Variants in PIGK observed in about 807,000 individuals in gnomAD.
PIGK encodes the protein GPI-anchor transamidase.
In PIGK, 42 loss-of-function variants were observed where a neutral mutation model predicts 50.6. The observed-to-expected ratio is 0.83, with a 90% CI of 0.65 to 1.07. The LOEUF (loss-of-function observed/expected upper bound fraction) is 1.07, where lower values mean the gene tolerates loss of function less well. Ranked by LOEUF, PIGK falls within the 50% of genes least tolerant of loss-of-function variation. PIGK has a pLI of 0.00. For synonymous variants in PIGK, 151 were observed against 156.0 expected (o/e 0.97, Z 0.24); for missense variants, 448 against 488.7 (o/e 0.92, Z 0.78).
At chr1:77,168,335 T>C (rs563655052) in intron 4 of PIGK, among the ~76,000 whole-genome samples, 1 of 152,352 alleles carries the variant, frequency 6.6e-6, no homozygotes, top group African/African-American at 2.4e-5. Flanking sequence ...ATAAATTGTA[T>C]GTATACACAT....
chr1:77,142,611 C>T (rs570986937), intron 9 of PIGK, among the ~76,000 whole-genome samples: 6 of 152,192 alleles, frequency 3.9e-5, no homozygotes, highest in South Asian at 4.2e-4. Context: ...AGGAAACTTA[C>T]GAACATGGCA....
chr1:77,155,844 G>A (rs1654997028), intron 8 of PIGK, among the ~76,000 whole-genome samples: 1 of 152,220 alleles, frequency 6.6e-6, no homozygotes, highest in African/African-American at 2.4e-5. Context: ...GAGAAGGGTA[G>A]AGCGGCTACA....
At chr1:77,146,250 C>G (rs913185390) in intron 9 of PIGK, among the ~76,000 whole-genome samples, 4 of 152,042 alleles carry the variant, frequency 2.6e-5, no homozygotes, top group African/African-American at 9.7e-5. Context: ...TAGAAGAAAA[C>G]AAGAAAATCC....
intron 9 of PIGK, among the ~76,000 whole-genome samples, chr1:77,133,757 C>T (rs1208603163): frequency 6.6e-6 from 1 of 152,120 alleles, no homozygotes; most frequent in Non-Finnish European, 1.5e-5. Context: ...AATGGTGAGG[C>T]CCTTCAAGGT....
chr1:77,110,540 G>C (rs977980678), intron 10 of PIGK, among the ~76,000 whole-genome samples: 39 of 152,152 alleles, frequency 2.6e-4, no homozygotes, highest in African/African-American at 9.4e-4. Context: ...ATGGTGCTGG[G>C]AAAACTGGCT....
rs1374761040 is a variant in PIGK at position 77,112,658 on chromosome 1, A to ATGCATGTTTT, written c.1071+9616_1071+9617insAAAACATGCA. 4.6e-5 allele frequency among the ~76,000 whole-genome samples: 7 copies of ATGCATGTTTT among 152,278 alleles called. No individual in the cohort carries two copies. The East Asian group carries it at 1.3e-3, about 29-fold the overall frequency. ...AAAACCATCCCACTAGAAAAACAGG[A>ATGCATGTTTT]TGCATTGGGCATGAGTAATTTCATT... is the stretch of plus-strand genomic sequence containing the variant. On this transcript the variant is annotated intron_variant, in intron 10 of 10. Coordinates refer to ENST00000370812, the MANE Select transcript of PIGK (RefSeq NM_005482.3).
chr1:77,131,291 ACT>A (rs1239135683), intron 9 of PIGK, among the ~76,000 whole-genome samples: 1 of 151,452 alleles, frequency 6.6e-6, no homozygotes, highest in Non-Finnish European at 1.5e-5. Context: ...ATCTTACTAA[ACT>A]CTCTTATTAA....
chr1:77,141,278 TGA>T (rs1654645283), intron 9 of PIGK, among the ~76,000 whole-genome samples: 1 of 152,158 alleles, frequency 6.6e-6, no homozygotes, highest in African/African-American at 2.4e-5. Context: ...ATAGGTATTC[TGA>T]GATCATATCC....
At chr1:77,182,964 T>A (rs1000417483) in intron 3 of PIGK, among the ~76,000 whole-genome samples, 3 of 152,096 alleles carry the variant, frequency 2.0e-5, no homozygotes, top group African/African-American at 4.8e-5. Context: ...GATAAAAAAA[T>A]GATGAACTCA....
chr1:77,159,177 C>A (rs985347507), intron 8 of PIGK, among the ~76,000 whole-genome samples: 3 of 152,052 alleles, frequency 2.0e-5, no homozygotes, highest in Non-Finnish European at 4.4e-5. Context: ...ACATCTTGGC[C>A]CATAGCTTCA....
chr1:77,170,548 T>C (rs1343045730), intron 3 of PIGK, among the ~76,000 whole-genome samples: 1 of 152,244 alleles, frequency 6.6e-6, no homozygotes, highest in Non-Finnish European at 1.5e-5. Context: ...ATAAGCTCTC[T>C]GAGGGCAGGG....
intron 5 of PIGK, among the ~76,000 whole-genome samples, chr1:77,165,103 C>T (rs963246365): frequency 6.6e-6 from 1 of 152,084 alleles, no homozygotes; most frequent in Non-Finnish European, 1.5e-5. Context: ...ACTTCCAAAA[C>T]AGGCAGCCAG....
intron 9 of PIGK, among the ~76,000 whole-genome samples, chr1:77,151,796 A>T (rs1208096750): frequency 6.6e-6 from 1 of 152,182 alleles, no homozygotes; most frequent in African/African-American, 2.4e-5. Flanking sequence ...AAAGTGAAAG[A>T]TCTCTACAGG....
At chr1:77,155,605 T>TC (rs1654989744) in intron 8 of PIGK, among the ~76,000 whole-genome samples, 1 of 151,884 alleles carries the variant, frequency 6.6e-6, no homozygotes, top group Non-Finnish European at 1.5e-5. Flanking sequence ...AGCCATTTTT[T>TC]TTTTTCTTGA....
intron 9 of PIGK, among the ~76,000 whole-genome samples, chr1:77,141,531 C>G (rs1250937364): frequency 6.6e-6 from 1 of 151,892 alleles, no homozygotes; most frequent in Admixed American, 6.6e-5. Flanking sequence ...AAGTACCAAG[C>G]CTGGAATATC....
chr1:77,210,423 A>G lies in PIGK; in HGVS notation c.147+13T>C, dbSNP rs750845757. 1.4e-5 allele frequency: 21 copies of G among 1,546,982 alleles called. No individual in the cohort carries two copies. The East Asian group carries it at 4.8e-4, about 35-fold the overall frequency. On this transcript the variant is annotated intron_variant, in intron 2 of 10. Transcript: ENST00000370812. ...AATGTGAACAGCAAGGTATACTTTT[A>G]CAGTATACTTACCAGAACAGCCCAG... is the stretch of plus-strand genomic sequence containing the variant.
chr1:77,093,981 C>T (rs1653355471), intron 10 of PIGK, among the ~76,000 whole-genome samples: 1 of 151,976 alleles, frequency 6.6e-6, no homozygotes, highest in Non-Finnish European at 1.5e-5. Flanking sequence ...AAAAGCAAAG[C>T]TATATTAAAG....
chr1:77,102,163 T>C (rs1259490228), intron 10 of PIGK, among the ~76,000 whole-genome samples: 1 of 152,196 alleles, frequency 6.6e-6, no homozygotes, highest in Non-Finnish European at 1.5e-5. Context: ...CTCATTTCAA[T>C]GTATTACTTC....
In PIGK at chr1:77,161,425, A is replaced by T. The variant is rs773887590; in HGVS notation, c.703-20T>A. The stretch of plus-strand genomic sequence containing the variant: ...TTGATGCTATGGAAAGGGGGAAAAA[A>T]AGTATTTCTAACAGTATCATTATAA... On this transcript the variant is annotated intron_variant, in intron 7 of 10. Coordinates refer to ENST00000370812, the MANE Select transcript of PIGK (RefSeq NM_005482.3). 2.5e-5 allele frequency: 33 copies of T among 1,313,048 alleles called. No homozygotes were observed. Among genetic ancestry groups the T allele is most frequent in the Non-Finnish European group, 3.5e-5 (32 of 905,912 alleles). 81.3% of individuals were successfully genotyped at this position (1,313,048 alleles called of 1,614,324 possible).
Sources: gnomAD v4.1 joint callset for allele counts (sites outside exome capture counted in the v4.1 genomes callset) on GRCh38, gnomAD v4.1.1 for gene constraint, MANE v1.5 for transcripts, NCBI Gene and HGNC (gene_info 2026-07-23, HGNC 2026-07-21) for gene names.